The following CDKL3 variants were observed in gnomAD, a reference collection of about 807,000 sequenced individuals.
CDKL3 encodes cyclin dependent kinase like 3, also known as cyclin-dependent kinase-like 3.
In CDKL3, 65 loss-of-function variants were observed where a neutral mutation model predicts 69.3. The ratio of observed to expected loss-of-function variants is 0.94; its 90% confidence interval spans 0.77 to 1.15. The LOEUF (loss-of-function observed/expected upper bound fraction) is 1.15. CDKL3 is among the 50% of genes most tolerant of loss of function. CDKL3 has a pLI of 0.00. For missense variants in CDKL3, 652 were observed against 689.2 expected (o/e 0.95, Z 0.61); for synonymous variants, 202 against 221.6 (o/e 0.91, Z 0.79).
intron 1 of CDKL3, 114 bp downstream of exon 1, chr5:134,366,863 C>T: frequency 2.0e-6 from 2 of 993,844 alleles, no homozygotes; most frequent in Non-Finnish European, 1.2e-6. Flanking sequence ...CTGTCATGTT[C>T]CTGTCAAATA....
chr5:134,303,668 A>ACC lies in CDKL3; in HGVS notation c.1621+735_1621+736dup, dbSNP rs112941862. On this transcript the variant is annotated intron_variant, in intron 11 of 12. Transcript: ENST00000265334. The stretch of plus-strand genomic sequence containing the variant: ...AAATCAGCCTGTCCAAAATGGTGGA[A>ACC]CCCCCCCCCCGTCTCTACTAAAAAT... 8.6e-3 allele frequency among the ~76,000 whole-genome samples: 1,195 copies of ACC among 139,210 alleles called. 8 individuals carry two copies. Among genetic ancestry groups the ACC allele is most frequent in the African/African-American group, 0.013 (518 of 38,644 alleles). 91.3% of individuals were successfully genotyped at this position (139,210 alleles called of 152,430 possible).
Position 134,306,721 on chromosome 5 carries a change from T to C in CDKL3, c.1365-19A>G, listed in dbSNP as rs1482798516. 1 of 1,259,368 alleles carries C rather than the reference T, an allele frequency of 7.9e-7. No individual in the cohort carries two copies. Among genetic ancestry groups the C allele is most frequent in the Non-Finnish European group, 1.1e-6 (1 of 901,338 alleles). The allele number at this position is 1,259,368 out of a possible 1,614,324, so 78.0% of individuals were successfully genotyped here. A position where few individuals can be genotyped will look rare whatever the true frequency, so the allele number is the denominator to read the frequency against. On this transcript the variant is annotated intron_variant, in intron 9 of 12. Transcript: ENST00000265334. ...AGTTAACCTATTATTTAAAAATGAA[T>C]GAGAAGTTACTAAAACTCCCCAGAA...
chr5:134,359,644 A>G (rs1368047310), intron 3 of CDKL3, among the ~76,000 whole-genome samples: 1 of 152,254 alleles, frequency 6.6e-6, no homozygotes, highest in East Asian at 1.9e-4. Context: ...TGATTCTACT[A>G]AACAAAATTA....
At chr5:134,371,347 C>T, upstream of CDKL3, 1 of 602,102 alleles carries the variant, frequency 1.7e-6, no homozygotes, top group Non-Finnish European at 2.9e-6. Context: ...CGCTGAAGGG[C>T]TCGGGGAAGG....
chr5:134,296,952 C>CTTTTTTT (rs111349325), downstream of CDKL3, among the ~76,000 whole-genome samples: 4 of 131,302 alleles, frequency 3.0e-5, no homozygotes, highest in South Asian at 2.4e-4. Context: ...CTTTTCTTTT[C>CTTTTTTT]TTTTTTTTTT....
chr5:134,358,420 A>G (rs1293622968), intron 3 of CDKL3, among the ~76,000 whole-genome samples: 1 of 152,116 alleles, frequency 6.6e-6, no homozygotes, highest in Non-Finnish European at 1.5e-5. Context: ...CCAGACTGAG[A>G]TCTCCTTTTA....
chr5:134,364,412 G>A (rs1318759018), intron 2 of CDKL3, among the ~76,000 whole-genome samples: 1 of 152,102 alleles, frequency 6.6e-6, no homozygotes, highest in Non-Finnish European at 1.5e-5. Context: ...CCCAAACCAT[G>A]TCTCTTTTGA....
intron 6 of CDKL3, among the ~76,000 whole-genome samples, chr5:134,317,711 G>C (rs1771543188): frequency 6.6e-6 from 1 of 152,070 alleles, no homozygotes; most frequent in African/African-American, 2.4e-5. Context: ...TTAATAGTTT[G>C]TGCCCAGGAG....
chr5:134,283,440 T>C (rs1462021874), downstream of CDKL3, among the ~76,000 whole-genome samples: 2 of 152,144 alleles, frequency 1.3e-5, no homozygotes, highest in African/African-American at 4.8e-5. Context: ...AGTCACATCT[T>C]ACGTGGATGG....
chr5:134,306,312 T>C (rs1465035330), intron 10 of CDKL3, among the ~76,000 whole-genome samples: 2 of 152,050 alleles, frequency 1.3e-5, no homozygotes, highest in Non-Finnish European at 2.9e-5. Flanking sequence ...CTGGGCAACA[T>C]AGTGAGACTT....
chr5:134,296,782 T>TAC (rs36097045), downstream of CDKL3, among the ~76,000 whole-genome samples: 17,619 of 141,426 alleles, frequency 0.12, 1,080 homozygotes, highest in Middle Eastern at 0.22. Context: ...ACCCTGTCTC[T>TAC]ACACACACAC....
intron 5 of CDKL3, 113 bp from the exon 6 acceptor site, chr5:134,319,610 T>C: frequency 2.2e-6 from 2 of 914,058 alleles, no homozygotes; most frequent in Non-Finnish European, 1.6e-6. Flanking sequence ...CAAGGAAGAA[T>C]GTGAATTATG....
intron 10 of CDKL3, among the ~76,000 whole-genome samples, chr5:134,304,997 G>A (rs1361834124): frequency 6.6e-6 from 1 of 151,494 alleles, no homozygotes; most frequent in African/African-American, 2.4e-5. Flanking sequence ...TCGTAGAGAT[G>A]GGGTCTTGTT....
intron 1 of CDKL3, 144 bp downstream of exon 1, chr5:134,366,833 G>T: frequency 1.1e-6 from 1 of 913,806 alleles, no homozygotes; most frequent in Non-Finnish European, 1.4e-6. Context: ...CATCCATCAA[G>T]CATGGGGTCC....
chr5:134,363,155 A>C (rs1295461759), intron 2 of CDKL3, among the ~76,000 whole-genome samples: 1 of 152,132 alleles, frequency 6.6e-6, no homozygotes, highest in Non-Finnish European at 1.5e-5. Flanking sequence ...AAAATCTCCT[A>C]ATCAGATTTT....
intron 4 of CDKL3, among the ~76,000 whole-genome samples, chr5:134,343,404 G>A (rs1201560155): frequency 6.6e-6 from 1 of 152,158 alleles, no homozygotes; most frequent in Non-Finnish European, 1.5e-5. Flanking sequence ...CCTGGGCGTA[G>A]GCTGGACTAA....
At position 134,337,050 on chromosome 5, in the gene CDKL3, G is replaced by C. The variant is rs766581062; in HGVS notation, c.539+13199C>G. 2.0e-5 allele frequency among the ~76,000 whole-genome samples: 3 copies of C among 152,200 alleles called. No individual in the cohort carries two copies. In the East Asian group the frequency reaches 5.8e-4, roughly 29 times the overall value. The stretch of plus-strand genomic sequence containing the variant: ...CATAGAACCGCCTACTCAAGCCTCA[G>C]AAATGGCGGATGCCCCTCCCCCCAC... On this transcript the variant is annotated intron_variant, in intron 4 of 12. Transcript: ENST00000265334.
chr5:134,342,396 A>T (rs1016263549), intron 4 of CDKL3, among the ~76,000 whole-genome samples: 3 of 152,064 alleles, frequency 2.0e-5, no homozygotes, highest in South Asian at 4.1e-4. Flanking sequence ...CAGAAGATCG[A>T]GACCATCCTG....
At chr5:134,335,310 T>C (rs1487506342) in intron 4 of CDKL3, among the ~76,000 whole-genome samples, 1 of 152,208 alleles carries the variant, frequency 6.6e-6, no homozygotes. Context: ...TTGGGGCATT[T>C]AGCTCATTTA....
Sources: gnomAD v4.1 joint callset for allele counts (sites outside exome capture counted in the v4.1 genomes callset) on GRCh38, gnomAD v4.1.1 for gene constraint, MANE v1.5 for transcripts, NCBI Gene and HGNC (gene_info 2026-07-23, HGNC 2026-07-21) for gene names.